The following ERG variants were observed in gnomAD, a reference collection of about 807,000 sequenced individuals.
ERG encodes the protein transcriptional regulator ERG.
Under a neutral mutation model 55.3 loss-of-function variants are expected in ERG, and 9 were observed. The ratio of observed to expected loss-of-function variants is 0.16; its 90% confidence interval spans 0.10 to 0.28. The LOEUF is 0.28. ERG is among the 10% of genes least tolerant of loss of function. ERG has a pLI of 1.00. For synonymous variants in ERG, 223 were observed against 237.3 expected, an observed-to-expected ratio of 0.94 and a Z score of 0.55; for missense variants, 434 against 631.6, an observed-to-expected ratio of 0.69 and a Z score of 3.35.
chr21:38,388,541 G>C (rs1393561494), intron 9 of ERG, among the ~76,000 whole-genome samples: 1 of 152,184 alleles, frequency 6.6e-6, no homozygotes, highest in Non-Finnish European at 1.5e-5. Flanking sequence ...AAGAAGCATT[G>C]TCATTAATAC....
intron 1 of ERG, among the ~76,000 whole-genome samples, chr21:38,493,214 T>A (rs538708885): frequency 6.6e-6 from 1 of 152,234 alleles, no homozygotes; most frequent in Non-Finnish European, 1.5e-5. Flanking sequence ...TGCAATATAA[T>A]GAGTGAAACA....
chr21:38,409,282 G>C (rs1262588988), intron 3 of ERG, among the ~76,000 whole-genome samples: 5 of 152,042 alleles, frequency 3.3e-5, no homozygotes, highest in African/African-American at 1.2e-4. Flanking sequence ...TGAAGGGTTT[G>C]AGACCAGCCT....
chr21:38,440,422 G>C (rs1223900097), intron 2 of ERG, among the ~76,000 whole-genome samples: 1 of 152,168 alleles, frequency 6.6e-6, no homozygotes, highest in Admixed American at 6.5e-5. Flanking sequence ...CTGGCCCCTC[G>C]AGCTGGGCTG....
chr21:38,523,290 A>G (rs1711604392), intron 2 of ERG, among the ~76,000 whole-genome samples: 1 of 152,206 alleles, frequency 6.6e-6, no homozygotes, highest in African/African-American at 2.4e-5. Context: ...TGAACCATCA[A>G]ATAGTTGGTT....
At chr21:38,538,891 C>T (rs1343668174) in intron 2 of ERG, among the ~76,000 whole-genome samples, 1 of 151,854 alleles carries the variant, frequency 6.6e-6, no homozygotes, top group Non-Finnish European at 1.5e-5. Flanking sequence ...GTTTCTTTCA[C>T]AGTGCATAAA....
intron 1 of ERG, among the ~76,000 whole-genome samples, chr21:38,591,706 A>C (rs770125506): frequency 1.1e-4 from 16 of 152,208 alleles, no homozygotes; most frequent in African/African-American, 3.1e-4. Context: ...ACCAACCAAC[A>C]AACAAACAAA....
At chr21:38,622,119 A>G (rs1273919332) in intron 1 of ERG, among the ~76,000 whole-genome samples, 3 of 152,230 alleles carry the variant, frequency 2.0e-5, no homozygotes, top group African/African-American at 7.2e-5. Flanking sequence ...ATAGCAGCTC[A>G]GGCACCACTG....
intron 2 of ERG, among the ~76,000 whole-genome samples, chr21:38,424,200 C>A (rs929685477): frequency 6.2e-5 from 9 of 145,896 alleles, no homozygotes; most frequent in Non-Finnish European, 1.4e-4. Flanking sequence ...CTCTCTCTCT[C>A]TCTCTCTCTC....
intron 1 of ERG, among the ~76,000 whole-genome samples, chr21:38,456,027 C>T (rs1264275432): frequency 3.3e-5 from 5 of 152,274 alleles, no homozygotes; most frequent in South Asian, 4.2e-4. Flanking sequence ...TCAAGCTCCT[C>T]GTCTAAAATG....
rs940553077 is a variant in ERG at position 38,429,556 on chromosome 21, T to C, written c.237-5995A>G. On this transcript the variant is annotated intron_variant, in intron 2 of 9. Transcript: ENST00000288319. ...GTACATATATACATATGTGTATATG[T>C]ACATGTATACACATGTACATATATA... is the stretch of plus-strand genomic sequence containing the variant. 1.0e-3 allele frequency among the ~76,000 whole-genome samples: 10 copies of C among 9,782 alleles called. 3 individuals are homozygous for C. The highest frequency in any genetic ancestry group is 1.8e-3 in the Admixed American group (2 of 1,108). 6.4% of individuals were successfully genotyped at this position (9,782 alleles called of 152,430 possible).
chr21:38,635,336 C>T (rs142415153), intron 1 of ERG, among the ~76,000 whole-genome samples: 2 of 152,016 alleles, frequency 1.3e-5, no homozygotes, highest in Admixed American at 1.3e-4. Context: ...ACATACAACA[C>T]CAAGAGCAGG....
intron 1 of ERG, among the ~76,000 whole-genome samples, chr21:38,463,420 G>A (rs1047929948): frequency 1.3e-5 from 2 of 152,160 alleles, no homozygotes; most frequent in African/African-American, 4.8e-5. Flanking sequence ...TCAGGGCTGG[G>A]GGAATACTGG....
rs138845780 is a variant in ERG at position 38,478,655 on chromosome 21, T to G, written c.18+19708A>C. ...TGGTCAGTGATAAGAGGAACTTCAA[T>G]TTTTATTTGGAATCTGACCCATTTC... is the stretch of plus-strand genomic sequence containing the variant. On this transcript the variant is annotated intron_variant, in intron 1 of 9. Coordinates refer to ENST00000288319, the MANE Select transcript of ERG (RefSeq NM_182918.4). 1.8e-4 allele frequency among the ~76,000 whole-genome samples: 28 copies of G among 152,332 alleles called. No individual in the cohort carries two copies. In the East Asian group the frequency reaches 3.1e-3, roughly 17 times the overall value.
rs370836808 is a variant in ERG at position 38,498,320 on chromosome 21, C to G, written c.18+43G>C. ...TAAAGGAAACCAAAGAAAAGAGTAA[C>G]AAGAACAAGATTTTGTCAAATTAAA... is the stretch of plus-strand genomic sequence containing the variant. On this transcript the variant is annotated intron_variant, in intron 1 of 9. Transcript: ENST00000288319. The surrounding 1 kb of genome is among the most constrained non-coding windows in gnomAD (Gnocchi z 4.6). 1.9e-6 allele frequency: 3 copies of G among 1,575,148 alleles called. No individual in the cohort carries two copies. Among genetic ancestry groups the G allele is most frequent in the East Asian group, 2.2e-5 (1 of 44,538 alleles).
At chr21:38,653,078 T>C (rs967468773) in intron 1 of ERG, among the ~76,000 whole-genome samples, 2 of 152,308 alleles carry the variant, frequency 1.3e-5, no homozygotes, top group South Asian at 4.2e-4. Context: ...ACGATGTGAA[T>C]GTTCCCCTCC....
At position 38,520,010 on chromosome 21, in the gene ERG, CACACACACAT is replaced by C. The variant is rs929121099; in HGVS notation, c.-41+55642_-41+55651del. Reference sequence around the variant, plus strand: ...GTCACCACACACACACACATACAGACACACACACATACACACACACACAACAAAAACAAAA... The same window carrying C: ...GTCACCACACACACACACATACAGACACACACACACACAACAAAAACAAAA... On this transcript the variant is annotated intron_variant, in intron 2 of 8. Coordinates refer to the ERG transcript ENST00000398897. Among the ~76,000 whole-genome samples, 112 of 149,410 alleles carry C rather than the reference CACACACACAT, an allele frequency of 7.5e-4. 1 individual carries two copies. The highest frequency in any genetic ancestry group is 1.5e-3 in the Non-Finnish European group (103 of 67,774).
intron 3 of ERG, among the ~76,000 whole-genome samples, chr21:38,415,094 C>T (rs1446849139): frequency 6.6e-6 from 1 of 152,184 alleles, no homozygotes; most frequent in African/African-American, 2.4e-5. Context: ...TGTGTTCTCC[C>T]CTGGGTATTT....
At chr21:38,463,759 G>T (rs1456274299) in intron 1 of ERG, among the ~76,000 whole-genome samples, 1 of 152,216 alleles carries the variant, frequency 6.6e-6, no homozygotes, top group Non-Finnish European at 1.5e-5. Flanking sequence ...TGTGCTGGTT[G>T]GGGGGAAGCT....
intron 6 of ERG, 30 bp from the exon 7 acceptor site, chr21:38,392,474 T>A (rs1403808032): frequency 3.6e-6 from 5 of 1,390,102 alleles, no homozygotes; most frequent in Non-Finnish European, 3.8e-6. Context: ...GACTAAAAGA[T>A]CAATCATGTA....
Sources: allele counts gnomAD v4.1 joint callset (sites outside exome capture counted in the v4.1 genomes callset), GRCh38; gene constraint gnomAD v4.1.1; non-coding constraint Gnocchi (gnomAD v3.1); transcripts MANE v1.5; gene names NCBI Gene and HGNC (gene_info 2026-07-23, HGNC 2026-07-21).